The following RAPGEF2 variants were observed in gnomAD, a reference collection of about 807,000 sequenced individuals.
The protein encoded by RAPGEF2 is Rap guanine nucleotide exchange factor 2.
RAPGEF2 carries 54 observed loss-of-function variants against 186.7 expected under a neutral mutation model. The observed-to-expected ratio is 0.29, with a 90% CI of 0.23 to 0.36. The LOEUF is 0.36. Among genes scored for constraint, RAPGEF2 ranks in the 10% least tolerant of loss-of-function variants. The pLI is 1.00. For missense variants in RAPGEF2, 1,532 were observed against 2,045.0 expected (o/e 0.75, Z 4.84); for synonymous variants, 712 against 705.9 (o/e 1.01, Z -0.14).
At chr4:159,298,860 T>C (rs537671285) in intron 7 of RAPGEF2, among the ~76,000 whole-genome samples, 4 of 152,346 alleles carry the variant, frequency 2.6e-5, no homozygotes, top group South Asian at 2.1e-4. Flanking sequence ...CTTAACACTT[T>C]AGTCATTTCT....
chr4:159,164,229 G>C (rs549086542), intron 1 of RAPGEF2, among the ~76,000 whole-genome samples: 11 of 150,694 alleles, frequency 7.3e-5, no homozygotes, highest in South Asian at 6.3e-4. Flanking sequence ...TGGTCTCGAT[G>C]TCCTGACCTT....
intron 4 of RAPGEF2, among the ~76,000 whole-genome samples, chr4:159,220,366 G>A (rs984529368): frequency 1.3e-5 from 2 of 152,100 alleles, no homozygotes; most frequent in Non-Finnish European, 2.9e-5. Context: ...TCCCACAGTG[G>A]GGTGGGATGG....
chr4:159,255,689 T>G (rs960620526), intron 7 of RAPGEF2, among the ~76,000 whole-genome samples: 16 of 152,158 alleles, frequency 1.1e-4, no homozygotes, highest in African/African-American at 3.6e-4. Context: ...GCATTGTTTT[T>G]GGGTAGAGAT....
chr4:159,267,199 C>T, intron 7 of RAPGEF2: 4 of 1,288,190 alleles, frequency 3.1e-6, no homozygotes, highest in Non-Finnish European at 4.0e-6. Context: ...AGCAGCAATG[C>T]CGTTTGTTTC....
intron 1 of RAPGEF2, among the ~76,000 whole-genome samples, chr4:159,127,728 C>T (rs896994545): frequency 8.5e-5 from 13 of 152,096 alleles, no homozygotes; most frequent in African/African-American, 3.1e-4. Flanking sequence ...GTTTGACATT[C>T]TCATAGTAAT....
At chr4:159,170,281 T>A (rs1388098719) in intron 1 of RAPGEF2, among the ~76,000 whole-genome samples, 1 of 152,208 alleles carries the variant, frequency 6.6e-6, no homozygotes, top group Admixed American at 6.5e-5. Flanking sequence ...TGAGTTGTTT[T>A]TCTTATATAT....
chr4:159,322,752 C>T (rs952814307), intron 10 of RAPGEF2, among the ~76,000 whole-genome samples: 5 of 152,004 alleles, frequency 3.3e-5, no homozygotes, highest in South Asian at 2.1e-4. Flanking sequence ...TCATGGCAGG[C>T]GGTGAAAGGC....
At chr4:159,109,803 T>C (rs1738294107) in intron 1 of RAPGEF2, among the ~76,000 whole-genome samples, 1 of 152,230 alleles carries the variant, frequency 6.6e-6, no homozygotes, top group Admixed American at 6.5e-5. Flanking sequence ...TACTGTCATA[T>C]GAGTAGCACA....
At chr4:159,138,231 A>AC (rs1561002207) in intron 1 of RAPGEF2, among the ~76,000 whole-genome samples, 7 of 152,124 alleles carry the variant, frequency 4.6e-5, no homozygotes, top group African/African-American at 1.7e-4. Flanking sequence ...GAGACACACA[A>AC]ACACACACAC....
chr4:159,249,917 G>C (rs1226999954), intron 7 of RAPGEF2, among the ~76,000 whole-genome samples: 1 of 151,952 alleles, frequency 6.6e-6, no homozygotes, highest in African/African-American at 2.4e-5. Flanking sequence ...GTAGTAAACT[G>C]GACTGACTGA....
chr4:159,268,105 G>A, intron 7 of RAPGEF2: 1 of 1,598,964 alleles, frequency 6.3e-7, no homozygotes. Context: ...TTGCCATCGT[G>A]AGAGATTGGT....
At chr4:159,255,221 GC>G (rs1756007766) in intron 7 of RAPGEF2, among the ~76,000 whole-genome samples, 1 of 152,082 alleles carries the variant, frequency 6.6e-6, no homozygotes, top group Admixed American at 6.5e-5. Flanking sequence ...GCCCAATGAC[GC>G]CGTTCTCGGA....
intron 26 of RAPGEF2, 92 bp downstream of exon 26, chr4:159,350,381 C>A: frequency 9.3e-7 from 1 of 1,080,274 alleles, no homozygotes; most frequent in Non-Finnish European, 1.2e-6. Context: ...TAATTCCTAA[C>A]ATTATAGTCA....
At chr4:159,246,050 CATACTT>C (rs1340079895) in intron 7 of RAPGEF2, among the ~76,000 whole-genome samples, 2 of 152,050 alleles carry the variant, frequency 1.3e-5, no homozygotes, top group African/African-American at 2.4e-5. Context: ...GTAAATAAAA[CATACTT>C]ATAAAGTTTC....
rs148210814 is a variant in RAPGEF2 at position 159,235,475 on chromosome 4, C to T, written c.282-3334C>T. 8.0e-3 allele frequency among the ~76,000 whole-genome samples: 1,222 copies of T among 152,344 alleles called. 18 individuals are homozygous for T. The highest frequency in any genetic ancestry group is 0.028 in the African/African-American group (1,161 of 41,582). Reference sequence around the variant, plus strand: ...CCTCTACGGCTTGCCTGCACTCACACTCTTTATAAAATGTCTTGTACTTTG... The same window carrying T: ...CCTCTACGGCTTGCCTGCACTCACATTCTTTATAAAATGTCTTGTACTTTG... On this transcript the variant is annotated intron_variant, in intron 4 of 29. Coordinates refer to ENST00000691494, the MANE Select transcript of RAPGEF2 (RefSeq NM_001394067.2).
intron 7 of RAPGEF2, among the ~76,000 whole-genome samples, chr4:159,282,067 C>T (rs921515795): frequency 6.6e-6 from 1 of 152,192 alleles, no homozygotes; most frequent in African/African-American, 2.4e-5. Context: ...ATGCATACTT[C>T]ATAGGTTTTT....
At chr4:159,152,759 A>G (rs1375438744) in intron 1 of RAPGEF2, among the ~76,000 whole-genome samples, 1 of 152,166 alleles carries the variant, frequency 6.6e-6, no homozygotes, top group Admixed American at 6.5e-5. Flanking sequence ...CTGGGAGTAC[A>G]GGTGCCCACC....
chr4:159,245,987 A>ATC (rs1754586951), intron 7 of RAPGEF2, among the ~76,000 whole-genome samples: 3 of 151,900 alleles, frequency 2.0e-5, no homozygotes, highest in African/African-American at 7.3e-5. Flanking sequence ...CTACTTACCC[A>ATC]AAAATATGGC....
chr4:159,229,660 C>T (rs900592090), intron 4 of RAPGEF2: 3 of 152,124 alleles, frequency 2.0e-5, no homozygotes, highest in African/African-American at 7.2e-5. Flanking sequence ...CAGAGTCATA[C>T]CATTTGCACC....
Sources: allele counts gnomAD v4.1 joint callset (sites outside exome capture counted in the v4.1 genomes callset), GRCh38; gene constraint gnomAD v4.1.1; transcripts MANE v1.5; gene names NCBI Gene and HGNC (gene_info 2026-07-23, HGNC 2026-07-21).